The following CERCAM variants were observed in gnomAD, a reference collection of about 807,000 sequenced individuals.
The protein encoded by CERCAM is cerebral endothelial cell adhesion molecule.
A neutral mutation model predicts 66.0 loss-of-function variants in CERCAM; 59 were observed. The ratio of observed to expected loss-of-function variants is 0.89; its 90% CI spans 0.73 to 1.11. The LOEUF is 1.11. Among genes scored for constraint, CERCAM ranks in the 50% most tolerant of loss-of-function variants. CERCAM has a pLI of 0.00. For synonymous variants in CERCAM, 318 were observed against 343.6 expected, an observed-to-expected ratio of 0.93 and a Z score of 0.83; for missense variants, 840 against 828.3, an observed-to-expected ratio of 1.01 and a Z score of -0.17.
At chr9:128,433,969 C>G in intron 9 of CERCAM, 133 bp from the exon 10 acceptor site, 1 of 1,247,994 alleles carries the variant, frequency 8.0e-7, no homozygotes, top group East Asian at 2.5e-5. Context: ...AGTGGGGCCC[C>G]CAGCAGGCTT....
rs1588631423 is a variant in CERCAM, at chr9:128,435,710, C to T, written c.1593C>T (p.Pro531=). 6.2e-7 allele frequency: 1 copy of T among 1,613,776 alleles called. No individual in the cohort carries two copies. The highest frequency in any genetic ancestry group is 8.5e-7 in the Non-Finnish European group (1 of 1,179,966). The change falls in exon 12 of 13, where the codon CCC becomes CCT. Residue 531 remains proline, a synonymous_variant. Coordinates refer to ENST00000372838, the MANE Select transcript of CERCAM (RefSeq NM_016174.5). ...ACCTGGTGGCCTTCTCCGCCCAGCCCCTGCTCGCTGCCCCTACCCACTATG... is the reference window on the plus strand; with the variant it reads ...ACCTGGTGGCCTTCTCCGCCCAGCCTCTGCTCGCTGCCCCTACCCACTATG... ...PRDLVAFSAQ[P]LLAAPTHYAG...
At chr9:128,420,799 C>T (rs1025960862), upstream of CERCAM, 201 of 585,834 alleles carry the variant, frequency 3.4e-4, 1 homozygote, top group Non-Finnish European at 1.4e-4. This position sits in a 1 kb window ranked among gnomAD's most constrained non-coding sequence, Gnocchi z 5.0. Context: ...CTCGGCCCCG[C>T]CCGGGCCCCA....
In CERCAM at chr9:128,423,112, A is replaced by T. The variant is rs765990918; in HGVS notation, c.309-34A>T. On this transcript the variant is annotated intron_variant, in intron 2 of 12. Transcript: ENST00000372838. ...GCCCTGCAGAGAGGGAGGGGCATGTACCCCATGGGAACATCTCACCTCTAT... is the reference window on the plus strand; with the variant it reads ...GCCCTGCAGAGAGGGAGGGGCATGTTCCCCATGGGAACATCTCACCTCTAT... 3 of 1,607,958 alleles carry T rather than the reference A, an allele frequency of 1.9e-6. No homozygotes were observed. In the South Asian group the frequency reaches 3.3e-5, roughly 18 times the overall value.
At position 128,434,721 on chromosome 9, in the gene CERCAM, T is replaced by A; in HGVS notation, c.1535+108T>A. On this transcript the variant is annotated intron_variant, in intron 11 of 12. Coordinates refer to ENST00000372838, the MANE Select transcript of CERCAM (RefSeq NM_016174.5). The surrounding 1 kb of genome is among the most constrained non-coding windows in gnomAD (Gnocchi z 4.5). The stretch of plus-strand genomic sequence containing the variant: ...ACCTGGCAGATGGGGAGACTGGGAC[T>A]GGCAAGGCCAAGCCACTTGGCCCAG... 9.4e-6 allele frequency: 11 copies of A among 1,166,800 alleles called. No individual in the cohort carries two copies. Among genetic ancestry groups the A allele is most frequent in the Non-Finnish European group, 4.8e-6 (4 of 831,542 alleles). The allele number at this position is 1,166,800 out of a possible 1,614,324, so 72.3% of individuals were successfully genotyped here.
At chr9:128,431,326 T>A in intron 9 of CERCAM, 23 bp downstream of exon 9, 1 of 1,613,056 alleles carries the variant, frequency 6.2e-7, no homozygotes, top group Non-Finnish European at 8.5e-7. Flanking sequence ...GCTTCCTCCA[T>A]CCACAGCCTT....
At chr9:128,428,041 C>T (rs1488420320) in intron 5 of CERCAM, among the ~76,000 whole-genome samples, 4 of 152,182 alleles carry the variant, frequency 2.6e-5, no homozygotes, top group Non-Finnish European at 5.9e-5. Flanking sequence ...GGCAGGGACT[C>T]AGTCTTGCTC....
chr9:128,434,078 C>A lies in CERCAM; in HGVS notation c.1204-24C>A, dbSNP rs570001214. ...GGGTTGTTTAACTCCGAAGAGCCAT[C>A]TCCCACCCCATTGTATGCCACAGGT... is the stretch of plus-strand genomic sequence containing the variant. On this transcript the variant is annotated intron_variant, in intron 9 of 12. Transcript: ENST00000372838. This position sits in a 1 kb window ranked among gnomAD's most constrained non-coding sequence, Gnocchi z 4.5. The A allele has an allele frequency of 1.9e-6, 3 of 1,613,256 alleles. No homozygotes were observed. The highest frequency in any genetic ancestry group is 1.3e-5 in the African/African-American group (1 of 75,038).
At chr9:128,426,860 A>G (rs1833858486) in intron 5 of CERCAM, among the ~76,000 whole-genome samples, 1 of 152,270 alleles carries the variant, frequency 6.6e-6, no homozygotes, top group Non-Finnish European at 1.5e-5. Flanking sequence ...AGAAGTCTGC[A>G]GTGTGCAGAC....
rs77214731 is a variant in CERCAM, at chr9:128,423,283, A to G, written c.426+20A>G. 1 of 1,598,864 alleles carries G rather than the reference A, an allele frequency of 6.3e-7. No homozygotes were observed. Among genetic ancestry groups the G allele is most frequent in the Non-Finnish European group, 8.6e-7 (1 of 1,167,338 alleles). Reference sequence around the variant, plus strand: ...ATCCTGGTGAGGAAGTCTGGCTAGAATCGGGCTTCTGAAAGGCGGTAGTAT... The same window carrying G: ...ATCCTGGTGAGGAAGTCTGGCTAGAGTCGGGCTTCTGAAAGGCGGTAGTAT... On this transcript the variant is annotated intron_variant, in intron 3 of 12. Transcript: ENST00000372838.
In CERCAM at chr9:128,434,055, G is replaced by A. The variant is rs2072398; in HGVS notation, c.1204-47G>A. The A allele has an allele frequency of 0.22, 349,175 of 1,600,952 alleles. 46,537 individuals carry two copies. The highest frequency in any genetic ancestry group is 0.6 in the African/African-American group (44,807 of 74,444). On this transcript the variant is annotated intron_variant, in intron 9 of 12. Coordinates refer to ENST00000372838, the MANE Select transcript of CERCAM (RefSeq NM_016174.5). The surrounding 1 kb of genome is among the most constrained non-coding windows in gnomAD (Gnocchi z 4.5). The stretch of plus-strand genomic sequence containing the variant: ...TGAGCTTCAGCGTGGAGGGAGGGGG[G>A]TTGTTTAACTCCGAAGAGCCATCTC...
chr9:128,422,027 A>G (rs1480223986), intron 1 of CERCAM: 1 of 152,290 alleles, frequency 6.6e-6, no homozygotes, highest in Non-Finnish European at 1.5e-5. Flanking sequence ...GCTGTGCCCC[A>G]TGACAGCAGA....
upstream of CERCAM, chr9:128,420,490 C>T (rs943319497): frequency 6.5e-6 from 1 of 154,406 alleles, no homozygotes; most frequent in Non-Finnish European, 1.4e-5. This position sits in a 1 kb window ranked among gnomAD's most constrained non-coding sequence, Gnocchi z 5.0. Context: ...CCGGGGAATC[C>T]GGATTCCGGG....
At chr9:128,435,611 G>C in intron 11 of CERCAM, 42 bp from the exon 12 acceptor site, 1 of 1,546,982 alleles carries the variant, frequency 6.5e-7, no homozygotes, top group Non-Finnish European at 8.7e-7. Context: ...CGGGGAGTAG[G>C]GGCCCGCCTC....
At chr9:128,436,754 C>T (rs977130002) in intron 12 of CERCAM, 95 bp from the exon 13 acceptor site, 2 of 152,498 alleles carry the variant, frequency 1.3e-5, no homozygotes, top group African/African-American at 4.8e-5. Flanking sequence ...CTGTCTGTCT[C>T]TGCCCCTGTT....
intron 8 of CERCAM, 27 bp from the exon 9 acceptor site, chr9:128,431,144 T>G: frequency 6.2e-7 from 1 of 1,609,440 alleles, no homozygotes; most frequent in African/African-American, 1.3e-5. Flanking sequence ...CAGGCACCCC[T>G]CACCCCGCCA....
chr9:128,426,415 G>C (rs1182614004), intron 5 of CERCAM, among the ~76,000 whole-genome samples: 1 of 151,972 alleles, frequency 6.6e-6, no homozygotes, highest in Non-Finnish European at 1.5e-5. Context: ...ACGAGGTCAA[G>C]AGATTGAGAC....
Position 128,434,758 on chromosome 9 carries a change from G to A in CERCAM, c.1535+145G>A. 1.4e-6 allele frequency: 1 copy of A among 735,212 alleles called. No individual in the cohort carries two copies. 45.5% of individuals were successfully genotyped at this position (735,212 alleles called of 1,614,324 possible). ...GCCACTTGGCCCAGGTCACCAAGGAGTGGCTCAGCCTAGCCTTAGAGTCAG... is the reference window on the plus strand; with the variant it reads ...GCCACTTGGCCCAGGTCACCAAGGAATGGCTCAGCCTAGCCTTAGAGTCAG... On this transcript the variant is annotated intron_variant, in intron 11 of 12. Coordinates refer to ENST00000372838, the MANE Select transcript of CERCAM (RefSeq NM_016174.5). The surrounding 1 kb of genome is among the most constrained non-coding windows in gnomAD (Gnocchi z 4.5).
At chr9:128,424,729 G>A in intron 5 of CERCAM, 115 bp downstream of exon 5, 2 of 920,090 alleles carry the variant, frequency 2.2e-6, no homozygotes, top group South Asian at 3.1e-5. Flanking sequence ...TAACCCATGA[G>A]TTACAACTTT....
At position 128,434,421 on chromosome 9, in the gene CERCAM, G is replaced by T. The variant is rs769918619; in HGVS notation, c.1343G>T (p.Arg448Leu). Residue 448 changes from arginine (R) to leucine (L), a missense_variant, in exon 11 of 13, where the codon CGG becomes CTG. Physicochemically the swap from Arg to Leu is moderately radical, Grantham distance 102. Transcript: ENST00000372838. This position sits in a 1 kb window ranked among gnomAD's most constrained non-coding sequence, Gnocchi z 4.5. Reference sequence around the variant, plus strand: ...GGTGTCACTTACAGCTACCTCGGACGGAAGCAGGTGAACCCTGAGAAGGAG... The same window carrying T: ...GGTGTCACTTACAGCTACCTCGGACTGAAGCAGGTGAACCCTGAGAAGGAG... ...KLSWDLIYLG[R>L]KQVNPEKETA... 6.2e-7 allele frequency: 1 copy of T among 1,613,972 alleles called. No homozygotes were observed. The highest frequency in any genetic ancestry group is 8.5e-7 in the Non-Finnish European group (1 of 1,179,998).
Sources: allele counts gnomAD v4.1 joint callset (sites outside exome capture counted in the v4.1 genomes callset), GRCh38; gene constraint gnomAD v4.1.1; non-coding constraint Gnocchi (gnomAD v3.1); transcripts MANE v1.5; gene names NCBI Gene and HGNC (gene_info 2026-07-23, HGNC 2026-07-21).